WRN: variants seen among roughly 807,000 people sequenced by gnomAD.
The protein encoded by WRN is WRN RecQ like helicase.
In WRN, 149 loss-of-function variants were observed where a neutral mutation model predicts 180.7. That is an observed-to-expected ratio of 0.82 (90% CI 0.72 to 0.94). The LOEUF (loss-of-function observed/expected upper bound fraction) is 0.94, where lower values mean the gene tolerates loss of function less well. WRN is among the 40% of genes least tolerant of loss of function. The pLI is 0.00. For synonymous variants in WRN, 548 were observed against 568.9 expected, an observed-to-expected ratio of 0.96 and a Z score of 0.52; for missense variants, 1,661 against 1,700.1, an observed-to-expected ratio of 0.98 and a Z score of 0.40.
intron 24 of WRN, 65 bp from the exon 25 acceptor site, chr8:31,141,363 CTG>C (rs1585514127): frequency 1.3e-6 from 2 of 1,583,004 alleles, no homozygotes; most frequent in Admixed American, 1.7e-5. Flanking sequence ...ATAGACAAGT[CTG>C]TGTTTTACTT....
rs1801663563 is a variant in WRN at position 31,120,061 on chromosome 8, C to T, written c.2449-182C>T. On this transcript the variant is annotated intron_variant, in intron 20 of 34. Coordinates refer to ENST00000298139, the MANE Select transcript of WRN (RefSeq NM_000553.6). ...AGTGAACAGAAATCCCATTTCTAGT[C>T]ACCAGTCCTTAATCTGTAAATCAGG... 1.3e-5 allele frequency: 9 copies of T among 669,274 alleles called. No individual in the cohort carries two copies. The East Asian group carries it at 2.6e-4, about 19-fold the overall frequency. The allele number at this position is 669,274 out of a possible 1,614,324, so 41.5% of individuals were successfully genotyped here. A position where few individuals can be genotyped will look rare whatever the true frequency, so the allele number is the denominator to read the frequency against.
intron 32 of WRN, among the ~76,000 whole-genome samples, chr8:31,156,877 G>A (rs1405259489): frequency 6.6e-6 from 1 of 152,188 alleles, no homozygotes; most frequent in Non-Finnish European, 1.5e-5. Context: ...ACACCTATTA[G>A]AGTCTTCTCA....
At chr8:31,169,244 A>T (rs1445577241) in intron 34 of WRN, among the ~76,000 whole-genome samples, 2 of 151,162 alleles carry the variant, frequency 1.3e-5, no homozygotes, top group Non-Finnish European at 3.0e-5. Flanking sequence ...CTCTTTTAAC[A>T]TAATTGTATT....
At chr8:31,129,392 A>T (rs1281411169) in intron 23 of WRN, among the ~76,000 whole-genome samples, 1 of 152,194 alleles carries the variant, frequency 6.6e-6, no homozygotes, top group African/African-American at 2.4e-5. Flanking sequence ...ATGGCCTATA[A>T]AGCCTGAAAT....
chr8:31,144,537 G>A (rs1355486685), intron 28 of WRN, among the ~76,000 whole-genome samples: 5 of 151,952 alleles, frequency 3.3e-5, no homozygotes, highest in Admixed American at 6.6e-5. Flanking sequence ...GGTTTTTGCC[G>A]TGTTGGTCAG....
chr8:31,090,050 T>C (rs1813684212), intron 13 of WRN, among the ~76,000 whole-genome samples: 1 of 151,878 alleles, frequency 6.6e-6, no homozygotes. Flanking sequence ...TTTGCAAATT[T>C]TAAATATACA....
At chr8:31,105,525 G>A (rs2130254592) in intron 18 of WRN, among the ~76,000 whole-genome samples, 2 of 152,206 alleles carry the variant, frequency 1.3e-5, no homozygotes, top group South Asian at 4.2e-4. Context: ...GCAATGGCGT[G>A]AACTCACCTT....
At chr8:31,064,180 A>G in intron 3 of WRN, 109 bp from the exon 4 acceptor site, 1 of 1,243,302 alleles carries the variant, frequency 8.0e-7, no homozygotes, top group South Asian at 1.3e-5. Context: ...TGTGCTCCAG[A>G]TAACTTGAAC....
chr8:31,042,440 A>G lies in WRN; in HGVS notation c.-77+8467A>G, dbSNP rs532292345. On this transcript the variant is annotated intron_variant, in intron 1 of 34. Transcript: ENST00000298139. ...AACTCAAATACCATCAATTTGATTT[A>G]TATCTAACACCACAAAGTTAGGTGT... is the stretch of plus-strand genomic sequence containing the variant. Among the ~76,000 whole-genome samples, 19 of 152,354 alleles carry G rather than the reference A, an allele frequency of 1.2e-4. No individual in the cohort carries two copies. The South Asian group carries it at 3.7e-3, about 30-fold the overall frequency.
intron 34 of WRN, among the ~76,000 whole-genome samples, chr8:31,168,130 G>A (rs1803970249): frequency 6.6e-6 from 1 of 152,028 alleles, no homozygotes. Context: ...CTGTACTTGA[G>A]TTACGTCTGT....
Position 31,157,510 on chromosome 8 carries a change from G to C in WRN, c.3962G>C (p.Arg1321Pro), listed in dbSNP as rs766042685. The C allele has an allele frequency of 4.3e-6, 7 of 1,614,044 alleles. No homozygotes were observed. The highest frequency in any genetic ancestry group is 5.1e-6 in the Non-Finnish European group (6 of 1,179,996). The change falls in exon 33 of 35, where the codon CGA (arginine) becomes CCA (proline). Residue 1321 changes from arginine to proline, a missense_variant. This residue lies in a region of WRN where 1,141 missense variants were observed against 1,149.4 expected (regional missense o/e 0.99). Coordinates refer to ENST00000298139, the MANE Select transcript of WRN (RefSeq NM_000553.6). Reference protein sequence around the residue: ...EVQKIIADVIRNPPVNSDMSK... With the variant: ...EVQKIIADVIPNPPVNSDMSK... ...CAGAAGATTATTGCTGATGTTATCCGAAACCCTCCCGTCAACTCAGGTGAG... is the reference window on the plus strand; with the variant it reads ...CAGAAGATTATTGCTGATGTTATCCCAAACCCTCCCGTCAACTCAGGTGAG...
At chr8:31,109,482 T>C (rs1470695296) in intron 18 of WRN, among the ~76,000 whole-genome samples, 1 of 152,172 alleles carries the variant, frequency 6.6e-6, no homozygotes, top group Non-Finnish European at 1.5e-5. Context: ...ACACATCATA[T>C]AGCCGTCTCC....
chr8:31,157,451 T>A lies in WRN; in HGVS notation c.3903T>A (p.Leu1301=), dbSNP rs1803431098. 4 of 1,614,090 alleles carry A rather than the reference T, an allele frequency of 2.5e-6. No individual in the cohort carries two copies. In the Admixed American group the frequency reaches 5.0e-5, roughly 20 times the overall value. Residue 1301 remains leucine (L), a synonymous_variant, in exon 33 of 35, where the codon CTT becomes CTA. Transcript: ENST00000298139. ...AAGCGGTGAAAGCTGGCTGCCCCCT[T>A]GATTTGGAGCGAGCAGGCCTGACTC... The part of the protein sequence containing the change: ...LSQAVKAGCP[L]DLERAGLTPE...
intron 5 of WRN, among the ~76,000 whole-genome samples, chr8:31,065,482 T>C (rs181035387): frequency 2.0e-5 from 3 of 152,274 alleles, no homozygotes; most frequent in African/African-American, 4.8e-5. Flanking sequence ...TGAGAACATA[T>C]GGTATTTGGT....
At chr8:31,072,725 G>A (rs73579596) in intron 7 of WRN, among the ~76,000 whole-genome samples, 2,801 of 152,300 alleles carry the variant, frequency 0.018, 69 homozygotes, top group African/African-American at 0.064. Context: ...GAAAGGGAAC[G>A]TTTATTGATG....
At chr8:31,114,472 T>C (rs1425296) in intron 19 of WRN, among the ~76,000 whole-genome samples, 56,876 of 152,036 alleles carry the variant, frequency 0.37, 11,946 homozygotes, top group East Asian at 0.6. Context: ...TTTACTCTTT[T>C]GATTTATCTG....
At chr8:31,043,342 A>G (rs1385874806) in intron 1 of WRN, among the ~76,000 whole-genome samples, 1 of 152,188 alleles carries the variant, frequency 6.6e-6, no homozygotes, top group Non-Finnish European at 1.5e-5. Flanking sequence ...AGACCTGATC[A>G]TAGCTCCTAT....
chr8:31,120,910 T>C (rs1423475210), intron 21 of WRN, among the ~76,000 whole-genome samples: 1 of 152,038 alleles, frequency 6.6e-6, no homozygotes, highest in Non-Finnish European at 1.5e-5. Flanking sequence ...ATTTGTTTTC[T>C]TGGTTAGTTC....
chr8:31,127,323 G>T (rs1290768806), intron 23 of WRN, among the ~76,000 whole-genome samples: 1 of 152,252 alleles, frequency 6.6e-6, no homozygotes, highest in South Asian at 2.1e-4. Context: ...TAGATTTATC[G>T]TGCCCTGATT....
Sources: gnomAD v4.1 joint callset for allele counts (sites outside exome capture counted in the v4.1 genomes callset) on GRCh38, gnomAD v4.1.1 for gene constraint, gnomAD v4.1.1 regional missense constraint, MANE v1.5 for transcripts, NCBI Gene and HGNC (gene_info 2026-07-23, HGNC 2026-07-21) for gene names.